The following SYNPR variants were observed in gnomAD, a reference collection of about 807,000 sequenced individuals.
SYNPR encodes the protein synaptoporin.
Under a neutral mutation model 32.9 loss-of-function variants are expected in SYNPR, and 23 were observed. That is an observed-to-expected ratio of 0.70 (90% confidence interval 0.50 to 0.99). SYNPR has a LOEUF of 0.99. Ranked by LOEUF, SYNPR falls within the 50% of genes least tolerant of loss-of-function variation. The probability of loss-of-function intolerance (pLI) is 0.00; values close to 1 mark genes in which losing one functional copy is unlikely to be tolerated. For synonymous variants in SYNPR, 146 were observed against 135.9 expected, an observed-to-expected ratio of 1.07 and a Z score of -0.52; for missense variants, 318 against 349.3, an observed-to-expected ratio of 0.91 and a Z score of 0.71.
At chr3:63,591,030 T>A (rs971694079) in intron 4 of SYNPR, among the ~76,000 whole-genome samples, 1 of 147,068 alleles carries the variant, frequency 6.8e-6, no homozygotes, top group Non-Finnish European at 1.5e-5. Flanking sequence ...ACCTACAACA[T>A]GGGAGAAAAT....
At chr3:63,211,586 A>G in the SYNPR span, among the ~76,000 whole-genome samples, 1 of 152,190 alleles carries the variant, frequency 6.6e-6, no homozygotes, top group South Asian at 2.1e-4. Flanking sequence ...AGGACTTTAG[A>G]GAGCTCAAGC....
intron 3 of SYNPR, among the ~76,000 whole-genome samples, chr3:63,553,788 C>T (rs1702544317): frequency 6.6e-6 from 1 of 152,300 alleles, no homozygotes; most frequent in South Asian, 2.1e-4. Context: ...ATGGCGCGAT[C>T]TCGGCTCATC....
At chr3:63,346,974 C>T (rs1234823858) in intron 2 of SYNPR, among the ~76,000 whole-genome samples, 2 of 152,102 alleles carry the variant, frequency 1.3e-5, no homozygotes, top group African/African-American at 4.8e-5. Flanking sequence ...TGGAAGGAAA[C>T]AGTCTTTCGT....
chr3:63,456,067 A>C (rs1700476172), intron 2 of SYNPR, among the ~76,000 whole-genome samples: 1 of 152,048 alleles, frequency 6.6e-6, no homozygotes, highest in Non-Finnish European at 1.5e-5. Context: ...AAAGAGAGAG[A>C]GAGCTCGTGC....
rs145486234 is a variant in SYNPR, at chr3:63,554,480, T to G, written c.210-2063T>G. 2.6e-3 allele frequency among the ~76,000 whole-genome samples: 401 copies of G among 152,332 alleles called. 3 individuals are homozygous for G. Among genetic ancestry groups the G allele is most frequent in the African/African-American group, 9.4e-3 (390 of 41,584 alleles). On this transcript the variant is annotated intron_variant, in intron 3 of 5. Transcript: ENST00000478300. ...ACTGAGTAGGGAGTTCTTTTTCTATTGCTTGTTTTTGTCAGCCTTGTCAAA... is the reference window on the plus strand; with the variant it reads ...ACTGAGTAGGGAGTTCTTTTTCTATGGCTTGTTTTTGTCAGCCTTGTCAAA...
chr3:63,249,679 A>AC (rs1560168114), intron 1 of SYNPR, among the ~76,000 whole-genome samples: 1 of 152,162 alleles, frequency 6.6e-6, no homozygotes, highest in African/African-American at 2.4e-5. Flanking sequence ...TACCACCTGT[A>AC]CCCCAATAAC....
At chr3:63,612,140 C>G (rs576372463) in intron 5 of SYNPR, among the ~76,000 whole-genome samples, 1 of 152,188 alleles carries the variant, frequency 6.6e-6, no homozygotes. Flanking sequence ...GGTAAACTCT[C>G]TAATCCTTAG....
intron 4 of SYNPR, among the ~76,000 whole-genome samples, chr3:63,607,178 G>A (rs1700136644): frequency 1.3e-5 from 2 of 151,974 alleles, no homozygotes; most frequent in South Asian, 4.2e-4. Flanking sequence ...GTAACTGTGG[G>A]CCCTAACAAA....
chr3:63,290,710 CA>C (rs1274752225), intron 2 of SYNPR, among the ~76,000 whole-genome samples: 3 of 152,008 alleles, frequency 2.0e-5, no homozygotes, highest in African/African-American at 7.3e-5. Flanking sequence ...TATGAACATC[CA>C]AATTCCTAAG....
intron 3 of SYNPR, among the ~76,000 whole-genome samples, chr3:63,534,104 A>G (rs1409705016): frequency 1.3e-5 from 2 of 152,214 alleles, no homozygotes; most frequent in Non-Finnish European, 2.9e-5. Flanking sequence ...GACAAATACT[A>G]TCAAATAGCT....
chr3:63,564,138 A>G (rs1702743704), intron 4 of SYNPR, among the ~76,000 whole-genome samples: 2 of 151,756 alleles, frequency 1.3e-5, no homozygotes, highest in Admixed American at 1.3e-4. Flanking sequence ...AGTCATAGAC[A>G]CACCTATCAG....
At chr3:63,248,753 A>G (rs993645158) in intron 1 of SYNPR, among the ~76,000 whole-genome samples, 9 of 152,158 alleles carry the variant, frequency 5.9e-5, no homozygotes, top group African/African-American at 2.2e-4. Flanking sequence ...CTAATTAGTT[A>G]TTGGAATCTT....
intron 2 of SYNPR, among the ~76,000 whole-genome samples, chr3:63,386,744 C>T (rs1359865378): frequency 6.6e-6 from 1 of 152,104 alleles, no homozygotes; most frequent in African/African-American, 2.4e-5. Flanking sequence ...GCTGTGCCTC[C>T]AGCCCGGGTC....
At chr3:63,589,554 C>T (rs943036782) in intron 4 of SYNPR, among the ~76,000 whole-genome samples, 1 of 151,126 alleles carries the variant, frequency 6.6e-6, no homozygotes, top group South Asian at 2.1e-4. Flanking sequence ...CAAAAATCCT[C>T]AATAAAATAC....
In SYNPR at chr3:63,501,851, T is replaced by C. The variant is rs887772084; in HGVS notation, c.209+20895T>C. ...ATGATGAACAGGAGAGATTAGCCTA[T>C]GGTTTGATTTGAACAAGTAAAACTT... On this transcript the variant is annotated intron_variant, in intron 3 of 5. Coordinates refer to ENST00000478300, the MANE Select transcript of SYNPR (RefSeq NM_001130003.2). Among the ~76,000 whole-genome samples, 8 of 152,320 alleles carry C rather than the reference T, an allele frequency of 5.3e-5. No homozygotes were observed. In the East Asian group the frequency reaches 1.5e-3, roughly 29 times the overall value.
the SYNPR span, among the ~76,000 whole-genome samples, chr3:63,204,444 C>A: frequency 6.6e-6 from 1 of 152,122 alleles, no homozygotes; most frequent in African/African-American, 2.4e-5. Context: ...AAAGGCCCAC[C>A]CTACTCCAGC....
At chr3:63,315,510 G>C (rs112569427) in intron 2 of SYNPR, among the ~76,000 whole-genome samples, 6,985 of 151,892 alleles carry the variant, frequency 0.046, 568 homozygotes, top group African/African-American at 0.16. Context: ...ATTGTAAAAG[G>C]GGTTGAGTTC....
chr3:63,566,927 T>C (rs573646651), intron 4 of SYNPR, among the ~76,000 whole-genome samples: 1 of 152,310 alleles, frequency 6.6e-6, no homozygotes, highest in South Asian at 2.1e-4. Context: ...CTGTAACTGG[T>C]GTTGATTAAA....
chr3:63,430,205 G>C (rs999905180), intron 2 of SYNPR, among the ~76,000 whole-genome samples: 1 of 152,158 alleles, frequency 6.6e-6, no homozygotes, highest in Non-Finnish European at 1.5e-5. Flanking sequence ...TTGTACTTAG[G>C]ACATTAAATA....
Sources: allele counts gnomAD v4.1 joint callset (sites outside exome capture counted in the v4.1 genomes callset), GRCh38; gene constraint gnomAD v4.1.1; transcripts MANE v1.5; gene names NCBI Gene and HGNC (gene_info 2026-07-23, HGNC 2026-07-21).